HACE1: variants seen among roughly 807,000 people sequenced by gnomAD.
HACE1 encodes the protein HECT domain and ankyrin repeat containing E3 ubiquitin protein ligase 1.
HACE1 carries 73 observed loss-of-function variants against 118.4 expected under a neutral mutation model. The observed-to-expected ratio is 0.62, with a 90% CI of 0.51 to 0.75. The LOEUF (loss-of-function observed/expected upper bound fraction) is 0.75, where lower values mean the gene tolerates loss of function less well. Ranked by LOEUF, HACE1 falls within the 30% of genes least tolerant of loss-of-function variation. The pLI, the probability that HACE1 is intolerant of heterozygous loss-of-function variation, is 0.00. For missense variants in HACE1, 749 were observed against 1,102.2 expected (o/e 0.68, Z 4.54); for synonymous variants, 368 against 374.8 (o/e 0.98, Z 0.21).
chr6:104,838,805 T>C (rs564068517), intron 5 of HACE1, among the ~76,000 whole-genome samples: 2 of 134,290 alleles, frequency 1.5e-5, no homozygotes, highest in African/African-American at 5.7e-5. Flanking sequence ...AAACAACCCA[T>C]AGAATGGGAG....
intron 21 of HACE1, 23 bp from the exon 22 acceptor site, chr6:104,744,253 T>C (rs770007113): frequency 4.1e-6 from 6 of 1,450,580 alleles, no homozygotes; most frequent in African/African-American, 2.8e-5. Context: ...ACAAAAAACT[T>C]AGCTCATATT....
intron 1 of HACE1, among the ~76,000 whole-genome samples, chr6:104,856,498 G>A (rs568674714): frequency 1.1e-4 from 17 of 151,744 alleles, no homozygotes; most frequent in Admixed American, 3.3e-4. Context: ...GCAGTGGCGC[G>A]ATCTTGGCTC....
At chr6:104,766,433 C>CTGTG (rs1780024399) in intron 19 of HACE1, among the ~76,000 whole-genome samples, 1 of 152,076 alleles carries the variant, frequency 6.6e-6, no homozygotes, top group African/African-American at 2.4e-5. Context: ...CTGGGGTACT[C>CTGTG]TGAATTATGG....
intron 17 of HACE1, among the ~76,000 whole-genome samples, chr6:104,774,928 T>C (rs1455663173): frequency 6.6e-6 from 1 of 152,208 alleles, no homozygotes; most frequent in African/African-American, 2.4e-5. Flanking sequence ...AATTCTTGAT[T>C]CCTATATGTA....
chr6:104,751,902 T>G (rs1245415822), intron 19 of HACE1, among the ~76,000 whole-genome samples: 1 of 150,210 alleles, frequency 6.7e-6, no homozygotes, highest in Non-Finnish European at 1.5e-5. Context: ...TTTTTCTTTT[T>G]TTGGCACTAA....
intron 19 of HACE1, among the ~76,000 whole-genome samples, chr6:104,758,187 A>G (rs1350285936): frequency 6.6e-6 from 1 of 152,180 alleles, no homozygotes; most frequent in South Asian, 2.1e-4. Flanking sequence ...AAATTCAGGA[A>G]ATACAGAGAA....
intron 4 of HACE1, among the ~76,000 whole-genome samples, chr6:104,847,288 TATG>T (rs1419589987): frequency 2.6e-5 from 4 of 152,330 alleles, no homozygotes; most frequent in African/African-American, 7.2e-5. Context: ...AACAGAGTAC[TATG>T]ATATTTTTCT....
chr6:104,730,646 A>G (rs1272852783), intron 22 of HACE1: 2 of 504,654 alleles, frequency 4.0e-6, no homozygotes, highest in Non-Finnish European at 7.2e-6. Flanking sequence ...TATGCTTGCA[A>G]CTGGCCACAG....
At chr6:104,841,035 CA>C (rs1357021674) in intron 5 of HACE1, among the ~76,000 whole-genome samples, 23 of 150,692 alleles carry the variant, frequency 1.5e-4, no homozygotes, top group African/African-American at 5.4e-4. Flanking sequence ...GCAGGAGAAT[CA>C]CTTGAACCCG....
intron 20 of HACE1, among the ~76,000 whole-genome samples, chr6:104,745,044 G>A (rs1189275704): frequency 6.6e-6 from 1 of 152,000 alleles, no homozygotes; most frequent in African/African-American, 2.4e-5. Context: ...ACTAAACAAG[G>A]GGAAAGTCAT....
intron 6 of HACE1, among the ~76,000 whole-genome samples, 195 bp from the exon 7 acceptor site, chr6:104,811,588 C>T (rs56391337): frequency 0.031 from 4,767 of 152,100 alleles, 99 homozygotes; most frequent in South Asian, 0.058. Flanking sequence ...AGGCACAACA[C>T]ACATATATGT....
chr6:104,793,327 G>A (rs1319251724), intron 10 of HACE1, among the ~76,000 whole-genome samples: 2 of 149,804 alleles, frequency 1.3e-5, no homozygotes, highest in Non-Finnish European at 3.0e-5. Flanking sequence ...TAAAATCCTC[G>A]CCTTTGGTTT....
chr6:104,743,218 C>T (rs929725201), intron 22 of HACE1, among the ~76,000 whole-genome samples: 3 of 149,516 alleles, frequency 2.0e-5, no homozygotes, highest in East Asian at 2.0e-4. Context: ...TGCTAGATGA[C>T]GAGTTAGTGG....
chr6:104,746,478 G>T (rs961782496), intron 20 of HACE1, among the ~76,000 whole-genome samples: 1 of 152,188 alleles, frequency 6.6e-6, no homozygotes, highest in Non-Finnish European at 1.5e-5. Context: ...CAGTTAGTCT[G>T]GAGGTGAGGG....
At chr6:104,846,157 T>C (rs572092527) in intron 4 of HACE1, among the ~76,000 whole-genome samples, 5 of 152,142 alleles carry the variant, frequency 3.3e-5, no homozygotes, top group African/African-American at 1.2e-4. Flanking sequence ...GAGAAATATA[T>C]CCTATCTTTC....
At chr6:104,847,408 C>T (rs1246718487) in intron 4 of HACE1, among the ~76,000 whole-genome samples, 1 of 152,182 alleles carries the variant, frequency 6.6e-6, no homozygotes, top group Non-Finnish European at 1.5e-5. Flanking sequence ...ACTCTATGAC[C>T]TTGGGTGTGA....
chr6:104,749,506 T>C (rs1777813407), intron 20 of HACE1, among the ~76,000 whole-genome samples: 1 of 152,148 alleles, frequency 6.6e-6, no homozygotes. Context: ...TCCGTATCTG[T>C]ATCCATATAC....
chr6:104,751,640 A>AAAT, intron 19 of HACE1, among the ~76,000 whole-genome samples: 1 of 152,296 alleles, frequency 6.6e-6, no homozygotes, highest in South Asian at 2.1e-4. Context: ...TTAAAGAAAA[A>AAAT]AATAATAATA....
At chr6:104,789,513 A>G (rs1390050048) in intron 11 of HACE1, among the ~76,000 whole-genome samples, 2 of 152,142 alleles carry the variant, frequency 1.3e-5, no homozygotes, top group East Asian at 3.8e-4. Context: ...TTTTTTAAAC[A>G]TAAGCTAAAA....
Sources: allele counts gnomAD v4.1 joint callset (sites outside exome capture counted in the v4.1 genomes callset), GRCh38; gene constraint gnomAD v4.1.1; transcripts MANE v1.5; gene names NCBI Gene and HGNC (gene_info 2026-07-23, HGNC 2026-07-21).